The following SNED1 variants were observed in gnomAD, a reference collection of about 807,000 sequenced individuals.
SNED1 encodes sushi, nidogen and EGF-like domain-containing protein 1.
Under a neutral mutation model 166.7 loss-of-function variants are expected in SNED1, and 81 were observed. That is an observed-to-expected ratio of 0.49 (90% CI 0.41 to 0.58). The LOEUF (loss-of-function observed/expected upper bound fraction) is 0.58. Ranked by LOEUF, SNED1 falls within the 20% of genes least tolerant of loss-of-function variation. The pLI is 0.00. For synonymous variants in SNED1, 762 were observed against 822.0 expected (o/e 0.93, Z 1.25); for missense variants, 1,604 against 2,000.2 (o/e 0.80, Z 3.78).
At chr2:241,062,616 C>T (rs1406886596) in intron 16 of SNED1, among the ~76,000 whole-genome samples, 175 bp from the exon 17 acceptor site, 2 of 152,190 alleles carry the variant, frequency 1.3e-5, no homozygotes, top group Non-Finnish European at 2.9e-5. Context: ...GGCACTGAGC[C>T]CCAGGCCCAC....
At chr2:241,078,777 A>G (rs1362649388) in intron 27 of SNED1, among the ~76,000 whole-genome samples, 2 of 151,794 alleles carry the variant, frequency 1.3e-5, no homozygotes, top group Non-Finnish European at 2.9e-5. Flanking sequence ...CTTTGGGTGA[A>G]TTTTATGTTA....
chr2:241,066,687 CT>C (rs1230276979), intron 21 of SNED1, among the ~76,000 whole-genome samples: 3 of 152,142 alleles, frequency 2.0e-5, no homozygotes, highest in African/African-American at 7.2e-5. Flanking sequence ...CAGCAGGGCC[CT>C]GCGGGGCGGC....
chr2:241,089,069 C>G (rs2063741308), intron 31 of SNED1: 5 of 429,696 alleles, frequency 1.2e-5, no homozygotes, highest in African/African-American at 2.1e-5. Flanking sequence ...ATCCTGCCCC[C>G]ACCTCCCCAC....
At position 241,052,132 on chromosome 2, in the gene SNED1, C is replaced by T. The variant is rs113770368; in HGVS notation, c.1944C>T (p.Gly648=). The T allele has an allele frequency of 2.8e-4, 447 of 1,613,836 alleles. 3 individuals are homozygous for T. In the African/African-American group the frequency reaches 5.0e-3, roughly 18 times the overall value. ...IGKYKCDCPP[G]FSGRHCEIAP... is the part of the protein sequence containing the mutation. ...AATACAAGTGTGACTGTCCCCCAGG[C>T]TTCTCCGGGCGGCACTGCGAGATAG... Residue 648 remains glycine, a synonymous_variant, in exon 14 of 32, where the codon GGC becomes GGT. Coordinates refer to ENST00000310397, the MANE Select transcript of SNED1 (RefSeq NM_001080437.3).
intron 17 of SNED1, 176 bp from the exon 18 acceptor site, chr2:241,063,411 C>T (rs7581709): frequency 0.54 from 335,555 of 616,572 alleles, 96,720 homozygotes; most frequent in East Asian, 0.81. Context: ...GGAGGTGGCA[C>T]GCCTCCCGAG....
At chr2:241,004,908 A>T (rs1289764146) in intron 1 of SNED1, among the ~76,000 whole-genome samples, 1 of 152,096 alleles carries the variant, frequency 6.6e-6, no homozygotes, top group South Asian at 2.1e-4. Context: ...TTTTTAGTAG[A>T]GACGGGGTTT....
rs2062852827 is a variant in SNED1, at chr2:241,073,539, C to G, written c.3916+175C>G. On this transcript the variant is annotated intron_variant, in intron 27 of 31. Coordinates refer to ENST00000310397, the MANE Select transcript of SNED1 (RefSeq NM_001080437.3). This position sits in a 1 kb window ranked among gnomAD's most constrained non-coding sequence, Gnocchi z 6.6. ...GGGAAGATGGGGTGAAGCTACACCACCCAAGCAGTGGGACCCCACAGACGG... is the reference window on the plus strand; with the variant it reads ...GGGAAGATGGGGTGAAGCTACACCAGCCAAGCAGTGGGACCCCACAGACGG... The G allele has an allele frequency of 1.5e-6, 1 of 652,372 alleles. No homozygotes were observed. The highest frequency in any genetic ancestry group is 2.7e-5 in the East Asian group (1 of 36,564). 40.4% of individuals were successfully genotyped at this position (652,372 alleles called of 1,614,324 possible).
chr2:241,036,588 C>T (rs73110161), intron 4 of SNED1, among the ~76,000 whole-genome samples: 2,067 of 152,106 alleles, frequency 0.014, 63 homozygotes, highest in African/African-American at 0.045. Flanking sequence ...AGAGGCCACG[C>T]CAACAGCACC....
chr2:241,063,375 G>C, intron 17 of SNED1: 3 of 593,714 alleles, frequency 5.1e-6, no homozygotes, highest in Non-Finnish European at 6.1e-6. Context: ...GCATGGCCTG[G>C]AGGTGGGGCT....
intron 16 of SNED1, among the ~76,000 whole-genome samples, chr2:241,059,647 T>A (rs775140960): frequency 6.6e-6 from 1 of 152,268 alleles, no homozygotes; most frequent in African/African-American, 2.4e-5. Context: ...TCAATCAATG[T>A]ACTTCATCAT....
At chr2:241,063,538 C>T (rs777982460) in intron 17 of SNED1, 49 bp from the exon 18 acceptor site, 11 of 1,245,470 alleles carry the variant, frequency 8.8e-6, no homozygotes, top group African/African-American at 7.4e-5. Flanking sequence ...GGCATGTGGG[C>T]GCCTCAGACT....
chr2:241,022,966 C>G (rs2060814453), intron 1 of SNED1, among the ~76,000 whole-genome samples: 2 of 152,136 alleles, frequency 1.3e-5, no homozygotes, highest in African/African-American at 2.4e-5. Flanking sequence ...CTTGATCACT[C>G]TCACCAGAGG....
chr2:241,058,416 G>A (rs1010338799), intron 16 of SNED1, among the ~76,000 whole-genome samples: 1 of 152,082 alleles, frequency 6.6e-6, no homozygotes, highest in African/African-American at 2.4e-5. Context: ...GAAAAAAGTA[G>A]AAGGAAAGAG....
intron 29 of SNED1, among the ~76,000 whole-genome samples, chr2:241,086,355 C>T (rs2063574742): frequency 2.3e-5 from 1 of 44,350 alleles, no homozygotes; most frequent in Non-Finnish European, 3.9e-5. Context: ...GCATAGTTCC[C>T]TCCTCTTCAG....
At chr2:241,048,624 G>A in intron 9 of SNED1, 38 bp from the exon 10 acceptor site, 2 of 1,558,324 alleles carry the variant, frequency 1.3e-6, no homozygotes, top group Non-Finnish European at 1.7e-6. Context: ...ATCTTTCTGC[G>A]CCCCCACATG....
chr2:241,062,993 C>A, intron 17 of SNED1, 89 bp downstream of exon 17: 1 of 827,426 alleles, frequency 1.2e-6, no homozygotes, highest in Non-Finnish European at 1.8e-6. Context: ...AGGTCTCTGT[C>A]TGGATGGCCA....
At chr2:241,019,927 G>A (rs1181824215) in intron 1 of SNED1, among the ~76,000 whole-genome samples, 10 of 152,112 alleles carry the variant, frequency 6.6e-5, no homozygotes, top group African/African-American at 2.4e-5. Flanking sequence ...CTGTTGTCAC[G>A]AAAAAGCAGC....
chr2:241,048,350 C>G lies in SNED1; in HGVS notation c.1309C>G (p.Pro437Ala). Residue 437 changes from proline to alanine, a missense_variant, in exon 9 of 32, where the codon CCT becomes GCT. By Grantham distance (27) the Pro-to-Ala change is conservative. Coordinates refer to ENST00000310397, the MANE Select transcript of SNED1 (RefSeq NM_001080437.3). ...HPVPDACLSA[P>A]CHNGGTCVDA... is the part of the protein sequence containing the mutation. ...AGTGCCAGACGCCTGCCTCTCGGCC[C>G]CTTGCCACAATGGGGGCACCTGTGT... 6.2e-7 allele frequency: 1 copy of G among 1,611,140 alleles called. No individual in the cohort carries two copies. The highest frequency in any genetic ancestry group is 2.2e-5 in the East Asian group (1 of 44,824).
rs748177331 is a variant in SNED1 at position 241,095,183 on chromosome 2, A to C, written c.*3547A>C. 6.6e-6 allele frequency: 1 copy of C among 151,074 alleles called. No individual in the cohort carries two copies. Among genetic ancestry groups the C allele is most frequent in the Non-Finnish European group, 1.5e-5 (1 of 68,184 alleles). 9.4% of individuals were successfully genotyped at this position (151,074 alleles called of 1,614,324 possible). A position where few individuals can be genotyped will look rare whatever the true frequency, so the allele number is the denominator to read the frequency against. On this transcript the variant is annotated 3_prime_UTR_variant, in exon 32 of 32. Coordinates refer to ENST00000310397, the MANE Select transcript of SNED1 (RefSeq NM_001080437.3). Reference sequence around the variant, plus strand: ...CTGGTTCTCGAAGCTGTCTGTAACCAGGGCAGGGGAGATAACTGTATGGGA... The same window carrying C: ...CTGGTTCTCGAAGCTGTCTGTAACCCGGGCAGGGGAGATAACTGTATGGGA...
Sources: allele counts gnomAD v4.1 joint callset (sites outside exome capture counted in the v4.1 genomes callset), GRCh38; gene constraint gnomAD v4.1.1; non-coding constraint Gnocchi (gnomAD v3.1); transcripts MANE v1.5; gene names NCBI Gene and HGNC (gene_info 2026-07-23, HGNC 2026-07-21).